The following BMPR2 variants were observed in gnomAD, a reference collection of about 807,000 sequenced individuals.
The protein encoded by BMPR2 is bone morphogenetic protein receptor type 2, also known as bone morphogenetic protein receptor type-2.
A neutral mutation model predicts 100.8 loss-of-function variants in BMPR2; 29 were observed. The observed-to-expected ratio is 0.29, with a 90% CI of 0.21 to 0.39. The LOEUF is 0.39. Ranked by LOEUF, BMPR2 falls within the 10% of genes least tolerant of loss-of-function variation. BMPR2 has a pLI of 1.00. For synonymous variants in BMPR2, 382 were observed against 442.3 expected (o/e 0.86, Z 1.71); for missense variants, 1,011 against 1,274.5 (o/e 0.79, Z 3.15).
intron 1 of BMPR2, among the ~76,000 whole-genome samples, chr2:202,457,317 C>T (rs1334233179): frequency 1.3e-5 from 2 of 150,976 alleles, no homozygotes; most frequent in Non-Finnish European, 2.9e-5. Context: ...TTCATTGCTT[C>T]AGATGATTAA....
At chr2:202,384,510 G>GTTTC (rs752072798) in intron 1 of BMPR2, among the ~76,000 whole-genome samples, 2,787 of 130,048 alleles carry the variant, frequency 0.021, 38 homozygotes, top group Non-Finnish European at 0.033. Flanking sequence ...AGAAATTTCA[G>GTTTC]TTTCTTTCTT....
At chr2:202,478,112 A>G (rs1018751794) in intron 3 of BMPR2, among the ~76,000 whole-genome samples, 4 of 152,150 alleles carry the variant, frequency 2.6e-5, no homozygotes, top group African/African-American at 9.7e-5. Flanking sequence ...CAGTTGTCAT[A>G]CTGTAAACAA....
chr2:202,381,036 G>A (rs1406029082), intron 1 of BMPR2, among the ~76,000 whole-genome samples: 6 of 137,906 alleles, frequency 4.4e-5, no homozygotes, highest in African/African-American at 1.1e-4. Context: ...GTGCAGTGGC[G>A]CCATCTCAGC....
In BMPR2 at chr2:202,464,990, CT is replaced by C; in HGVS notation, c.247+14del. Reference sequence around the variant, plus strand: ...ATCTTGTAAAACAAGGCAAGTGATACTTTCCTTACCTGAAATGACTGTGTTT... The same window carrying C: ...ATCTTGTAAAACAAGGCAAGTGATACTTCCTTACCTGAAATGACTGTGTTT... On this transcript the variant is annotated intron_variant, in intron 2 of 12. Transcript: ENST00000374580. The C allele has an allele frequency of 6.2e-7, 1 of 1,613,592 alleles. No homozygotes were observed. The highest frequency in any genetic ancestry group is 8.5e-7 in the Non-Finnish European group (1 of 1,179,602).
chr2:202,446,514 A>T (rs1301365200), intron 1 of BMPR2, among the ~76,000 whole-genome samples: 1 of 150,752 alleles, frequency 6.6e-6, no homozygotes, highest in African/African-American at 2.5e-5. Context: ...TCTGTAAATC[A>T]TAATGATGGG....
At position 202,565,200 on chromosome 2, in the gene BMPR2, G is replaced by C. The variant is rs1688740688; in HGVS notation, c.*5254G>C. The C allele has an allele frequency of 6.6e-6, 1 of 151,886 alleles. No homozygotes were observed. The highest frequency in any genetic ancestry group is 6.6e-5 in the Admixed American group (1 of 15,234). The allele number at this position is 151,886 out of a possible 1,614,324, so 9.4% of individuals were successfully genotyped here. A position where few individuals can be genotyped will look rare whatever the true frequency, so the allele number is the denominator to read the frequency against. ...TAAATTTTTTTCTTTTACCCAGTAGGACAAAAAAGAGCAGTTGGTCATCAT... is the reference window on the plus strand; with the variant it reads ...TAAATTTTTTTCTTTTACCCAGTAGCACAAAAAAGAGCAGTTGGTCATCAT... On this transcript the variant is annotated 3_prime_UTR_variant, in exon 13 of 13. Coordinates refer to ENST00000374580, the MANE Select transcript of BMPR2 (RefSeq NM_001204.7).
rs531986287 is a variant in BMPR2 at position 202,519,449 on chromosome 2, T to A, written c.852+397T>A. On this transcript the variant is annotated intron_variant, in intron 6 of 12. Coordinates refer to ENST00000374580, the MANE Select transcript of BMPR2 (RefSeq NM_001204.7). Reference sequence around the variant, plus strand: ...CACTGTATTACAGATAGAGCATTGCTGACTCACAAACTGGATTATTAATGG... The same window carrying A: ...CACTGTATTACAGATAGAGCATTGCAGACTCACAAACTGGATTATTAATGG... 2.0e-5 allele frequency among the ~76,000 whole-genome samples: 3 copies of A among 152,362 alleles called. No homozygotes were observed. In the South Asian group the frequency reaches 6.2e-4, roughly 32 times the overall value.
intron 1 of BMPR2, among the ~76,000 whole-genome samples, chr2:202,456,606 C>G (rs1043713807): frequency 1.3e-4 from 20 of 151,440 alleles, no homozygotes; most frequent in African/African-American, 4.9e-4. Flanking sequence ...CCTCTGCCTC[C>G]TGAGTTCAAG....
chr2:202,548,305 A>AGTG, intron 10 of BMPR2, among the ~76,000 whole-genome samples: 1 of 152,136 alleles, frequency 6.6e-6, no homozygotes, highest in African/African-American at 2.4e-5. Flanking sequence ...ATACAACTTC[A>AGTG]GCCAGGTGCA....
At chr2:202,494,267 C>G (rs1464654153) in intron 3 of BMPR2, among the ~76,000 whole-genome samples, 1 of 152,214 alleles carries the variant, frequency 6.6e-6, no homozygotes, top group East Asian at 1.9e-4. Flanking sequence ...TTGAAAACTA[C>G]AAAAACTAAT....
intron 3 of BMPR2, among the ~76,000 whole-genome samples, chr2:202,496,244 T>C (rs556262692): frequency 6.6e-6 from 1 of 152,306 alleles, no homozygotes; most frequent in East Asian, 1.9e-4. Flanking sequence ...TCCAGCACTT[T>C]GGGAGGCCAG....
Position 202,393,902 on chromosome 2 carries a change from A to C in BMPR2, c.76+16352A>C, listed in dbSNP as rs917509086. Among the ~76,000 whole-genome samples, 18 of 122,136 alleles carry C rather than the reference A, an allele frequency of 1.5e-4. 1 individual carries two copies. The highest frequency in any genetic ancestry group is 4.3e-4 in the African/African-American group (14 of 32,518). The allele number at this position is 122,136 out of a possible 152,430, so 80.1% of individuals were successfully genotyped here. A position where few individuals can be genotyped will look rare whatever the true frequency, so the allele number is the denominator to read the frequency against. On this transcript the variant is annotated intron_variant, in intron 1 of 12. Transcript: ENST00000374580. Reference sequence around the variant, plus strand: ...GAGAGCGAGAGAGAGAGAGAGAGAGAGAGAGAGAGAGAGAGAGAGAGAGAG... The same window carrying C: ...GAGAGCGAGAGAGAGAGAGAGAGAGCGAGAGAGAGAGAGAGAGAGAGAGAG...
intron 10 of BMPR2, among the ~76,000 whole-genome samples, chr2:202,549,104 A>G (rs951522802): frequency 5.3e-5 from 8 of 152,036 alleles, no homozygotes; most frequent in Admixed American, 2.0e-4. Context: ...ATTAGTTTAC[A>G]TTTTCTAGAA....
rs962685867 is a variant in BMPR2, at chr2:202,561,662, T to C, written c.*1716T>C. On this transcript the variant is annotated 3_prime_UTR_variant, in exon 13 of 13. Coordinates refer to ENST00000374580, the MANE Select transcript of BMPR2 (RefSeq NM_001204.7). Reference sequence around the variant, plus strand: ...AAACACAAATCACCAAATTTCTGATTTATGTTTTTATCTCCTGAACAATAT... The same window carrying C: ...AAACACAAATCACCAAATTTCTGATCTATGTTTTTATCTCCTGAACAATAT... The C allele has an allele frequency of 6.6e-6, 1 of 152,148 alleles. No homozygotes were observed. Among genetic ancestry groups the C allele is most frequent in the Non-Finnish European group, 1.5e-5 (1 of 67,996 alleles). The allele number at this position is 152,148 out of a possible 1,614,324, so 9.4% of individuals were successfully genotyped here.
chr2:202,427,358 CAAAA>C (rs397872093), intron 1 of BMPR2, among the ~76,000 whole-genome samples: 5 of 78,838 alleles, frequency 6.3e-5, no homozygotes, highest in Admixed American at 4.9e-4. Flanking sequence ...GACCCTGGCT[CAAAA>C]AAAAAAAAAA....
chr2:202,435,695 G>T (rs1029670054), intron 1 of BMPR2, among the ~76,000 whole-genome samples: 1 of 149,862 alleles, frequency 6.7e-6, no homozygotes, highest in Non-Finnish European at 1.5e-5. Flanking sequence ...TCCATTCATG[G>T]TAAGTGCCCT....
intron 1 of BMPR2, among the ~76,000 whole-genome samples, chr2:202,392,761 G>C (rs1223618358): frequency 2.0e-5 from 3 of 152,030 alleles, no homozygotes; most frequent in Admixed American, 2.0e-4. Flanking sequence ...GGGAGGCCGA[G>C]GCGGGCAGAT....
At chr2:202,454,060 TA>T (rs1692039681) in intron 1 of BMPR2, among the ~76,000 whole-genome samples, 1 of 152,142 alleles carries the variant, frequency 6.6e-6, no homozygotes, top group South Asian at 2.1e-4. Flanking sequence ...TCTGAATAAG[TA>T]AAAAAATTTA....
At chr2:202,510,509 A>C (rs1441620629) in intron 3 of BMPR2, among the ~76,000 whole-genome samples, 2 of 152,224 alleles carry the variant, frequency 1.3e-5, no homozygotes, top group African/African-American at 4.8e-5. Flanking sequence ...GTATCATTCC[A>C]ACTATATGAC....
Sources: allele counts gnomAD v4.1 joint callset (sites outside exome capture counted in the v4.1 genomes callset), GRCh38; gene constraint gnomAD v4.1.1; transcripts MANE v1.5; gene names NCBI Gene and HGNC (gene_info 2026-07-23, HGNC 2026-07-21).